Variants in RAB28 observed in about 807,000 individuals in gnomAD.
The protein encoded by RAB28 is RAB28, member RAS oncogene family, also known as ras-related protein Rab-28.
A neutral mutation model predicts 31.7 loss-of-function variants in RAB28; 24 were observed. The ratio of observed to expected loss-of-function variants is 0.76; its 90% CI spans 0.55 to 1.06. RAB28 has a LOEUF of 1.06. Ranked by LOEUF, RAB28 falls within the 50% of genes least tolerant of loss-of-function variation. The pLI is 0.00. For missense variants in RAB28, 254 were observed against 258.5 expected (o/e 0.98, Z 0.12); for synonymous variants, 100 against 90.4 (o/e 1.11, Z -0.60).
At chr4:13,378,747 G>A (rs1308004961) in intron 5 of RAB28, among the ~76,000 whole-genome samples, 3 of 152,178 alleles carry the variant, frequency 2.0e-5, no homozygotes, top group African/African-American at 7.2e-5. Context: ...AGAGAAGACA[G>A]AAGATATGAG....
chr4:13,438,782 C>G (rs1363644129), intron 4 of RAB28, among the ~76,000 whole-genome samples: 1 of 151,806 alleles, frequency 6.6e-6, no homozygotes, highest in Non-Finnish European at 1.5e-5. Flanking sequence ...GGGAAGATAC[C>G]TAGGAGTAGA....
intron 4 of RAB28, among the ~76,000 whole-genome samples, chr4:13,382,456 G>T (rs891265057): frequency 1.3e-5 from 2 of 151,794 alleles, no homozygotes; most frequent in African/African-American, 4.8e-5. Flanking sequence ...ATTTCCTGAG[G>T]AAGGGACCCA....
intron 3 of RAB28, 28 bp from the exon 4 acceptor site, chr4:13,460,856 G>T (rs1199651053): frequency 1.3e-6 from 2 of 1,597,100 alleles, no homozygotes; most frequent in Admixed American, 3.5e-5. Context: ...CAAAATATCT[G>T]TAATGTATTA....
chr4:13,463,918 T>C (rs1337126832), intron 3 of RAB28, among the ~76,000 whole-genome samples: 1 of 152,032 alleles, frequency 6.6e-6, no homozygotes, highest in East Asian at 1.9e-4. Flanking sequence ...TCATCACTCC[T>C]GACCTTACAA....
At chr4:13,444,963 T>C (rs1714621880) in intron 4 of RAB28, among the ~76,000 whole-genome samples, 1 of 152,212 alleles carries the variant, frequency 6.6e-6, no homozygotes, top group South Asian at 2.1e-4. Context: ...GATAATATCC[T>C]GAAGTGTTTT....
chr4:13,453,528 G>A (rs1715088012), intron 4 of RAB28, among the ~76,000 whole-genome samples: 1 of 151,998 alleles, frequency 6.6e-6, no homozygotes, highest in African/African-American at 2.4e-5. Flanking sequence ...TTTTTTCTAA[G>A]GCCAGTCTGG....
Position 13,368,237 on chromosome 4 carries a change from T to A in RAB28, c.*321A>T, listed in dbSNP as rs914924843. 1 of 1,009,366 alleles carries A rather than the reference T, an allele frequency of 9.9e-7. No homozygotes were observed. Among genetic ancestry groups the A allele is most frequent in the Non-Finnish European group, 1.2e-6 (1 of 846,134 alleles). 62.5% of individuals were successfully genotyped at this position (1,009,366 alleles called of 1,614,324 possible). The stretch of plus-strand genomic sequence containing the variant: ...GATCAAGACTTGGAGAGTTTTCATA[T>A]TAAGTTAAAAAAATTTACATCAATG... On this transcript the variant is annotated 3_prime_UTR_variant, in exon 7 of 7. Transcript: ENST00000330852.
chr4:13,432,623 C>T (rs1366592448), intron 4 of RAB28, among the ~76,000 whole-genome samples: 1 of 152,124 alleles, frequency 6.6e-6, no homozygotes, highest in Non-Finnish European at 1.5e-5. Flanking sequence ...CAAAAAGAGA[C>T]TGGGGCCTAT....
chr4:13,414,720 T>C (rs1400063190), intron 4 of RAB28, among the ~76,000 whole-genome samples: 1 of 152,176 alleles, frequency 6.6e-6, no homozygotes, highest in East Asian at 1.9e-4. Context: ...TAGCAGTATA[T>C]AAAAGAAAAT....
chr4:13,382,347 G>A (rs574620605), intron 4 of RAB28, among the ~76,000 whole-genome samples: 1 of 152,162 alleles, frequency 6.6e-6, no homozygotes, highest in South Asian at 2.1e-4. Flanking sequence ...CTATAAGGGT[G>A]TTGATTCAAT....
intron 4 of RAB28, among the ~76,000 whole-genome samples, chr4:13,456,463 C>T (rs1185698477): frequency 6.6e-6 from 1 of 152,202 alleles, no homozygotes; most frequent in Non-Finnish European, 1.5e-5. Flanking sequence ...CACAATATCT[C>T]ATTTAATCTT....
chr4:13,389,903 G>A (rs185218362), intron 4 of RAB28, among the ~76,000 whole-genome samples: 2 of 152,056 alleles, frequency 1.3e-5, no homozygotes, highest in African/African-American at 2.4e-5. Flanking sequence ...TTGATGGAAC[G>A]TATCTCAAAA....
At chr4:13,427,030 T>C (rs1180573912) in intron 4 of RAB28, among the ~76,000 whole-genome samples, 3 of 152,116 alleles carry the variant, frequency 2.0e-5, no homozygotes, top group East Asian at 3.9e-4. Context: ...AGGAGGTGTA[T>C]AGTGTAAGAA....
intron 4 of RAB28, among the ~76,000 whole-genome samples, chr4:13,438,514 G>C (rs546846497): frequency 6.6e-6 from 1 of 152,102 alleles, no homozygotes; most frequent in East Asian, 1.9e-4. Context: ...CTTATAAATA[G>C]AATCATGAAA....
intron 4 of RAB28, among the ~76,000 whole-genome samples, chr4:13,393,489 A>G (rs1251781835): frequency 6.6e-6 from 1 of 152,184 alleles, no homozygotes; most frequent in East Asian, 1.9e-4. Flanking sequence ...ATAAGCACAA[A>G]AAGGGAATTC....
Position 13,436,430 on chromosome 4 carries a change from A to G in RAB28, c.391+24269T>C, listed in dbSNP as rs577044556. Among the ~76,000 whole-genome samples the G allele has an allele frequency of 2.0e-5, 3 of 152,312 alleles. No homozygotes were observed. In the South Asian group the frequency reaches 6.2e-4, roughly 32 times the overall value. On this transcript the variant is annotated intron_variant, in intron 4 of 6. Transcript: ENST00000330852. ...GAAGTCAAACTGTCACTGTTCACCAACGTCATAATCCTATACCTAGAAAAC... is the reference window on the plus strand; with the variant it reads ...GAAGTCAAACTGTCACTGTTCACCAGCGTCATAATCCTATACCTAGAAAAC...
chr4:13,442,298 C>A (rs1714461790), intron 4 of RAB28, among the ~76,000 whole-genome samples: 2 of 151,736 alleles, frequency 1.3e-5, no homozygotes, highest in African/African-American at 2.4e-5. Context: ...GTACCTCAAC[C>A]AAAAACAGAA....
chr4:13,370,229 T>C, intron 6 of RAB28: 1 of 972,046 alleles, frequency 1.0e-6, no homozygotes, highest in African/African-American at 1.8e-5. Flanking sequence ...GAAATAGATA[T>C]GACCACTGAA....
chr4:13,375,269 C>T (rs949507529), intron 6 of RAB28, among the ~76,000 whole-genome samples: 5 of 152,118 alleles, frequency 3.3e-5, no homozygotes, highest in African/African-American at 1.2e-4. Context: ...ATGAGGATAA[C>T]TGAGATAACA....
Sources: gnomAD v4.1 joint callset for allele counts (sites outside exome capture counted in the v4.1 genomes callset) on GRCh38, gnomAD v4.1.1 for gene constraint, MANE v1.5 for transcripts, NCBI Gene and HGNC (gene_info 2026-07-23, HGNC 2026-07-21) for gene names.